The following ADGRD1 variants were observed in gnomAD, a reference collection of about 807,000 sequenced individuals.
The protein encoded by ADGRD1 is G-protein coupled receptor 133.
In ADGRD1, 77 loss-of-function variants were observed where a neutral mutation model predicts 113.4. That is an observed-to-expected ratio of 0.68 (90% confidence interval 0.57 to 0.82). The LOEUF is 0.82. Among genes scored for constraint, ADGRD1 ranks in the 40% least tolerant of loss-of-function variants. The pLI is 0.00. For synonymous variants in ADGRD1, 474 were observed against 475.0 expected, an observed-to-expected ratio of 1.00 and a Z score of 0.03; for missense variants, 1,036 against 1,139.1, an observed-to-expected ratio of 0.91 and a Z score of 1.30.
chr12:131,004,023 C>G (rs1178930569), intron 10 of ADGRD1, among the ~76,000 whole-genome samples, 163 bp from the exon 11 acceptor site: 2 of 139,030 alleles, frequency 1.4e-5, no homozygotes, highest in Non-Finnish European at 3.1e-5. Context: ...TTGCTTTACC[C>G]TTTTTTTTTT....
intron 7 of ADGRD1, among the ~76,000 whole-genome samples, chr12:130,991,714 T>C (rs1019877520): frequency 1.3e-5 from 2 of 152,152 alleles, no homozygotes; most frequent in African/African-American, 4.8e-5. Flanking sequence ...TAAAAACATT[T>C]GACCAGCTGG....
intron 21 of ADGRD1, among the ~76,000 whole-genome samples, chr12:131,133,725 T>C (rs1950996904): frequency 6.6e-6 from 1 of 152,222 alleles, no homozygotes; most frequent in Admixed American, 6.5e-5. Context: ...GGATGCTTCC[T>C]CACAATCTTC....
At chr12:131,028,796 C>T (rs897298487) in intron 13 of ADGRD1, among the ~76,000 whole-genome samples, 5 of 152,330 alleles carry the variant, frequency 3.3e-5, no homozygotes, top group East Asian at 1.9e-4. Context: ...ATTTGCATGC[C>T]GGTACGATTG....
intron 13 of ADGRD1, among the ~76,000 whole-genome samples, chr12:131,037,996 AC>A (rs1257491234): frequency 6.7e-6 from 1 of 148,626 alleles, no homozygotes; most frequent in Non-Finnish European, 1.5e-5. Flanking sequence ...TACTCACTGC[AC>A]TGGGGTCTCA....
At chr12:130,994,538 T>G (rs1422611524) in intron 8 of ADGRD1, among the ~76,000 whole-genome samples, 1 of 152,192 alleles carries the variant, frequency 6.6e-6, no homozygotes, top group East Asian at 1.9e-4. Flanking sequence ...ATGGGTACCC[T>G]GCAGCATCCT....
At chr12:131,094,787 A>G (rs1887161485) in intron 15 of ADGRD1, among the ~76,000 whole-genome samples, 1 of 152,116 alleles carries the variant, frequency 6.6e-6, no homozygotes, top group Admixed American at 6.5e-5. Flanking sequence ...TTACCATTCC[A>G]CCAGCAAGCC....
At chr12:130,973,256 G>A (rs1161730604) in intron 4 of ADGRD1, 1 of 152,260 alleles carries the variant, frequency 6.6e-6, no homozygotes, top group Non-Finnish European at 1.5e-5. Context: ...CAGAAGGCGT[G>A]GGTTCCACTT....
At chr12:131,130,411 G>A (rs1009607781) in intron 20 of ADGRD1, among the ~76,000 whole-genome samples, 1 of 152,202 alleles carries the variant, frequency 6.6e-6, no homozygotes, top group Non-Finnish European at 1.5e-5. Flanking sequence ...AAGGGGCTAG[G>A]CAGGAGGGGG....
chr12:131,065,392 C>T (rs530020021), intron 13 of ADGRD1, among the ~76,000 whole-genome samples: 151 of 152,328 alleles, frequency 9.9e-4, no homozygotes, highest in African/African-American at 3.4e-3. Context: ...GCTGTAGCAG[C>T]GTGGACCCTC....
At chr12:131,128,841 T>C (rs56079112) in intron 20 of ADGRD1, among the ~76,000 whole-genome samples, 21,211 of 151,370 alleles carry the variant, frequency 0.14, 1,992 homozygotes, top group African/African-American at 0.28. Context: ...GCAGCAGCCC[T>C]GCCCTGCTGT....
At position 131,122,698 on chromosome 12, in the gene ADGRD1, AC is replaced by A. The variant is rs1268859936; in HGVS notation, c.2175+1786del. Among the ~76,000 whole-genome samples, 16 of 152,206 alleles carry A rather than the reference AC, an allele frequency of 1.1e-4. No individual in the cohort carries two copies. The South Asian group carries it at 2.1e-3, about 20-fold the overall frequency. On this transcript the variant is annotated intron_variant, in intron 20 of 24. Transcript: ENST00000261654. ...TGTTCCTTGTTCTCCCTTTCTCTCTACTGACTTAAACCCTCTAGAACCGCAG... is the reference window on the plus strand; with the variant it reads ...TGTTCCTTGTTCTCCCTTTCTCTCTATGACTTAAACCCTCTAGAACCGCAG...
At chr12:131,115,628 T>TGAAGGTCACCGTGTTGCAAAGAG (rs1950447183) in intron 18 of ADGRD1, among the ~76,000 whole-genome samples, 1 of 152,192 alleles carries the variant, frequency 6.6e-6, no homozygotes, top group Non-Finnish European at 1.5e-5. Flanking sequence ...CTGGTCCCTC[T>TGAAGGTCACCGTGTTGCAAAGAG]GAAGGTCACC....
intron 15 of ADGRD1, among the ~76,000 whole-genome samples, chr12:131,101,981 C>A (rs1363852336): frequency 6.6e-6 from 1 of 152,184 alleles, no homozygotes; most frequent in Non-Finnish European, 1.5e-5. Context: ...CTCTTCCCTT[C>A]CTCCTCCAAA....
chr12:131,133,627 C>G (rs575787500), intron 21 of ADGRD1, among the ~76,000 whole-genome samples: 2 of 152,192 alleles, frequency 1.3e-5, no homozygotes, highest in Non-Finnish European at 2.9e-5. Context: ...GGGGACAGAC[C>G]GCTCTGGGTC....
At chr12:131,077,130 A>G (rs1338279520) in intron 14 of ADGRD1, among the ~76,000 whole-genome samples, 1 of 152,190 alleles carries the variant, frequency 6.6e-6, no homozygotes, top group African/African-American at 2.4e-5. Context: ...GCCCAGGGCA[A>G]CTTTCAAGCC....
chr12:131,098,600 C>T lies in ADGRD1; in HGVS notation c.1672-6231C>T, dbSNP rs1044654518. On this transcript the variant is annotated intron_variant, in intron 15 of 24. Transcript: ENST00000261654. ...CCAGTGGTGAGAAGCCAGCAGGACT[C>T]GGAGGTGGGTGCTCCAAGGGAGAGG... Among the ~76,000 whole-genome samples, 13 of 152,082 alleles carry T rather than the reference C, an allele frequency of 8.5e-5. No homozygotes were observed. In the East Asian group the frequency reaches 2.1e-3, roughly 25 times the overall value.
In ADGRD1 at chr12:131,131,743, A is replaced by G. The variant is rs1950935059; in HGVS notation, c.2194A>G (p.Ile732Val). ...TGTGCAGGTCAACATTGGCATCCTCATCGCTGTGACCAGAGTCATCTCACA... is the reference window on the plus strand; with the variant it reads ...TGTGCAGGTCAACATTGGCATCCTCGTCGCTGTGACCAGAGTCATCTCACA... ...FVIVVNIGILIAVTRVISQIS... is the reference protein window; with the variant it reads ...FVIVVNIGILVAVTRVISQIS... Residue 732 changes from isoleucine (I) to valine (V), a missense_variant, in exon 21 of 25, where the codon ATC (isoleucine) becomes GTC (valine). By Grantham distance (29) the Ile-to-Val change is conservative (BLOSUM62 3). Transcript: ENST00000261654. 6.2e-7 allele frequency: 1 copy of G among 1,610,526 alleles called. No homozygotes were observed. Among genetic ancestry groups the G allele is most frequent in the Non-Finnish European group, 8.5e-7 (1 of 1,178,170 alleles).
intron 4 of ADGRD1, chr12:130,976,872 A>T (rs1271224648): frequency 2.6e-5 from 4 of 151,814 alleles, no homozygotes; most frequent in Non-Finnish European, 5.9e-5. Flanking sequence ...AAAAAAAAAA[A>T]AAATTTAGCA....
At chr12:131,124,465 CTT>C (rs1159378143) in intron 20 of ADGRD1, among the ~76,000 whole-genome samples, 2 of 152,296 alleles carry the variant, frequency 1.3e-5, no homozygotes, top group South Asian at 2.1e-4. Context: ...AAATTAAAAA[CTT>C]TTAGGAAGCT....
Sources: gnomAD v4.1 joint callset for allele counts (sites outside exome capture counted in the v4.1 genomes callset) on GRCh38, gnomAD v4.1.1 for gene constraint, MANE v1.5 for transcripts, NCBI Gene and HGNC (gene_info 2026-07-23, HGNC 2026-07-21) for gene names.